CRADD: variants seen among roughly 807,000 people sequenced by gnomAD.
CRADD encodes the protein death domain-containing protein CRADD.
CRADD carries 9 observed loss-of-function variants against 15.5 expected under a neutral mutation model. The observed-to-expected ratio is 0.58, with a 90% CI of 0.35 to 1.01. The LOEUF is 1.01. Ranked by LOEUF, CRADD falls within the 50% of genes least tolerant of loss-of-function variation. CRADD has a pLI of 0.02. For synonymous variants in CRADD, 118 were observed against 107.6 expected, an observed-to-expected ratio of 1.10 and a Z score of -0.60; for missense variants, 227 against 250.3, an observed-to-expected ratio of 0.91 and a Z score of 0.63.
chr12:93,781,275 CA>C (rs1238577513), intron 2 of CRADD, among the ~76,000 whole-genome samples: 1 of 151,952 alleles, frequency 6.6e-6, no homozygotes, highest in Non-Finnish European at 1.5e-5. Context: ...GACAATAAGA[CA>C]AAAAAATCCC....
intron 2 of CRADD, among the ~76,000 whole-genome samples, chr12:93,790,514 G>A (rs1460359542): frequency 4.0e-5 from 6 of 151,262 alleles, no homozygotes; most frequent in Non-Finnish European, 8.8e-5. Flanking sequence ...GCATACTTGT[G>A]TGTATATTTT....
chr12:93,715,486 T>C (rs1323953888), intron 2 of CRADD, among the ~76,000 whole-genome samples: 1 of 152,056 alleles, frequency 6.6e-6, no homozygotes, highest in East Asian at 1.9e-4. Context: ...AAGAAACTAG[T>C]TGGGTGAAAT....
intron 2 of CRADD, among the ~76,000 whole-genome samples, chr12:93,727,573 C>T (rs1196006020): frequency 1.3e-5 from 2 of 152,168 alleles, no homozygotes; most frequent in Admixed American, 1.3e-4. Flanking sequence ...TTTAAGGAAT[C>T]TAGAGCCAGG....
chr12:93,688,943 C>T (rs1335415147), intron 2 of CRADD, among the ~76,000 whole-genome samples: 2 of 152,182 alleles, frequency 1.3e-5, no homozygotes, highest in African/African-American at 4.8e-5. Flanking sequence ...TTTCTTGCCT[C>T]TTGTCCTAAG....
intron 2 of CRADD, among the ~76,000 whole-genome samples, chr12:93,783,632 A>G (rs1417937036): frequency 1.3e-5 from 2 of 152,166 alleles, no homozygotes; most frequent in Non-Finnish European, 2.9e-5. Flanking sequence ...AAAGCCTATA[A>G]ATTGTAACTT....
chr12:93,736,162 T>C (rs757254846), intron 2 of CRADD, among the ~76,000 whole-genome samples: 4 of 152,158 alleles, frequency 2.6e-5, no homozygotes, highest in Non-Finnish European at 5.9e-5. Flanking sequence ...AGAAAGACTT[T>C]TGGGGAGCAT....
At chr12:93,891,960 G>A (rs535148377) in intron 2 of CRADD, among the ~76,000 whole-genome samples, 2 of 152,250 alleles carry the variant, frequency 1.3e-5, no homozygotes, top group East Asian at 3.9e-4. Context: ...CCATTTCAAG[G>A]ATGTCATAGA....
At chr12:93,775,600 A>T (rs1216811144) in intron 2 of CRADD, among the ~76,000 whole-genome samples, 6 of 152,118 alleles carry the variant, frequency 3.9e-5, no homozygotes, top group Non-Finnish European at 7.4e-5. Context: ...GAAGTTTTAT[A>T]GTTAGTAAGT....
chr12:93,786,154 T>G (rs1957275946), intron 2 of CRADD, among the ~76,000 whole-genome samples: 1 of 152,202 alleles, frequency 6.6e-6, no homozygotes, highest in South Asian at 2.1e-4. Context: ...CTTTGGCAAT[T>G]CATTCATGTT....
chr12:93,682,202 G>C (rs1008753721), intron 2 of CRADD, among the ~76,000 whole-genome samples: 1 of 152,144 alleles, frequency 6.6e-6, no homozygotes, highest in South Asian at 2.1e-4. Flanking sequence ...AGACCTCGGT[G>C]CTTCTCCAGT....
chr12:93,857,102 T>C (rs1958280927), intron 2 of CRADD, among the ~76,000 whole-genome samples: 1 of 151,632 alleles, frequency 6.6e-6, no homozygotes, highest in African/African-American at 2.4e-5. Flanking sequence ...ATTCAAAGCA[T>C]AGGCTATGAA....
chr12:93,825,295 CA>C (rs1957811672), intron 2 of CRADD, among the ~76,000 whole-genome samples: 1 of 152,186 alleles, frequency 6.6e-6, no homozygotes, highest in African/African-American at 2.4e-5. Context: ...TCTAGAAGAG[CA>C]CTGACTCTGG....
At chr12:93,776,987 A>G (rs1316158572) in intron 2 of CRADD, among the ~76,000 whole-genome samples, 1 of 152,240 alleles carries the variant, frequency 6.6e-6, no homozygotes, top group African/African-American at 2.4e-5. Context: ...GAATATATTA[A>G]AAACCACTGA....
At chr12:93,875,175 T>C (rs1958449462) in intron 2 of CRADD, among the ~76,000 whole-genome samples, 2 of 152,150 alleles carry the variant, frequency 1.3e-5, no homozygotes, top group Non-Finnish European at 2.9e-5. Flanking sequence ...TTAGTGACTT[T>C]CTTTGTTTCT....
intron 2 of CRADD, among the ~76,000 whole-genome samples, chr12:93,796,510 C>T (rs1287317942): frequency 6.7e-6 from 1 of 149,392 alleles, no homozygotes; most frequent in Non-Finnish European, 1.5e-5. Flanking sequence ...GAGGCTGAGG[C>T]AGGAGAATCA....
At chr12:93,794,496 A>G (rs1292745754) in intron 2 of CRADD, among the ~76,000 whole-genome samples, 2 of 151,842 alleles carry the variant, frequency 1.3e-5, no homozygotes, top group Non-Finnish European at 2.9e-5. Context: ...TTTCCCTCAT[A>G]TCCCACATCC....
intron 2 of CRADD, among the ~76,000 whole-genome samples, chr12:93,762,404 T>A (rs918069387): frequency 6.6e-6 from 1 of 152,150 alleles, no homozygotes; most frequent in African/African-American, 2.4e-5. Context: ...AACAGTTACA[T>A]TAGATGTAAT....
chr12:93,779,789 A>G (rs555176476), intron 2 of CRADD, among the ~76,000 whole-genome samples: 4 of 152,136 alleles, frequency 2.6e-5, no homozygotes, highest in Admixed American at 1.3e-4. Context: ...GAGTTTCACC[A>G]TGTTGGCCAG....
chr12:93,730,173 A>G (rs1182470563), intron 2 of CRADD, among the ~76,000 whole-genome samples: 5 of 152,270 alleles, frequency 3.3e-5, no homozygotes. Context: ...CAATGAGGAC[A>G]GTCCAATTTA....
Sources: gnomAD v4.1 joint callset for allele counts (sites outside exome capture counted in the v4.1 genomes callset) on GRCh38, gnomAD v4.1.1 for gene constraint, MANE v1.5 for transcripts, NCBI Gene and HGNC (gene_info 2026-07-23, HGNC 2026-07-21) for gene names.